EXT2: variants seen among roughly 807,000 people sequenced by gnomAD.
The protein encoded by EXT2 is exostosin glycosyltransferase 2, also known as exostosin-2.
EXT2 carries 53 observed loss-of-function variants against 81.6 expected under a neutral mutation model. The observed-to-expected ratio is 0.65, with a 90% confidence interval of 0.52 to 0.82. EXT2 has a LOEUF of 0.82. EXT2 is among the 40% of genes least tolerant of loss of function. The pLI is 0.00. For missense variants in EXT2, 774 were observed against 910.2 expected, an observed-to-expected ratio of 0.85 and a Z score of 1.93; for synonymous variants, 320 against 340.0, an observed-to-expected ratio of 0.94 and a Z score of 0.65.
chr11:44,144,463 G>T, intron 7 of EXT2: 1 of 808,030 alleles, frequency 1.2e-6, no homozygotes, highest in Non-Finnish European at 2.0e-6. Flanking sequence ...TCACCCCAAT[G>T]GCTCTTGGAG....
At chr11:44,146,254 C>T (rs1406725861) in intron 7 of EXT2, among the ~76,000 whole-genome samples, 2 of 152,172 alleles carry the variant, frequency 1.3e-5, no homozygotes, top group Non-Finnish European at 2.9e-5. Flanking sequence ...TTTGAAAAGG[C>T]CCTTTCTCTA....
At chr11:44,173,563 C>CTTTTTTTTTTTTTTTTTTTTTTTTTTTTT (rs66702988) in intron 8 of EXT2, among the ~76,000 whole-genome samples, 2 of 100,068 alleles carry the variant, frequency 2.0e-5, no homozygotes, top group African/African-American at 3.4e-5. Flanking sequence ...TTCTTTCTTT[C>CTTTTTTTTTTTTTTTTTTTTTTTTTTTTT]TTTTTTTTTT....
chr11:44,207,918 T>TA (rs1190859586), intron 10 of EXT2, among the ~76,000 whole-genome samples: 4 of 152,012 alleles, frequency 2.6e-5, no homozygotes, highest in South Asian at 2.1e-4. Flanking sequence ...CCTAGGTTTT[T>TA]AAAAAAAATG....
At chr11:44,150,986 A>C (rs1352995011) in intron 7 of EXT2, among the ~76,000 whole-genome samples, 1 of 152,222 alleles carries the variant, frequency 6.6e-6, no homozygotes, top group Non-Finnish European at 1.5e-5. Flanking sequence ...ATTGTTTTGA[A>C]AAATTGTCAG....
intron 4 of EXT2, among the ~76,000 whole-genome samples, chr11:44,123,732 T>C (rs907745885): frequency 6.6e-6 from 1 of 152,270 alleles, no homozygotes; most frequent in African/African-American, 2.4e-5. Flanking sequence ...GATTTTCAGA[T>C]TTGATATGCT....
At position 44,251,882 on chromosome 11, in the gene EXT2, T is replaced by G. The variant is rs1446109577; in HGVS notation, c.*7595T>G. Among the ~76,000 whole-genome samples, 2 of 152,218 alleles carry G rather than the reference T, an allele frequency of 1.3e-5. No homozygotes were observed. The highest frequency in any genetic ancestry group is 2.4e-5 in the African/African-American group (1 of 41,454). The stretch of plus-strand genomic sequence containing the variant: ...AACAATGTACCTACTTTCGTCAAGC[T>G]TACATTCTAATGAGGAAGATAACCA... On this transcript the variant is annotated 3_prime_UTR_variant, in exon 14 of 14. Coordinates refer to ENST00000533608, the MANE Select transcript of EXT2 (RefSeq NM_207122.2).
At chr11:44,146,085 TG>T (rs1009761793) in intron 7 of EXT2, among the ~76,000 whole-genome samples, 1 of 152,218 alleles carries the variant, frequency 6.6e-6, no homozygotes, top group African/African-American at 2.4e-5. Context: ...CTTCTCTGCT[TG>T]TCTCGCAGAT....
intron 8 of EXT2, among the ~76,000 whole-genome samples, chr11:44,179,756 T>G (rs920194710): frequency 1.3e-5 from 2 of 152,234 alleles, no homozygotes; most frequent in Admixed American, 1.3e-4. Context: ...CCCAATTGAT[T>G]AATATTTGAG....
At chr11:44,133,518 T>G (rs1400870519) in intron 7 of EXT2, among the ~76,000 whole-genome samples, 1 of 152,214 alleles carries the variant, frequency 6.6e-6, no homozygotes, top group Admixed American at 6.5e-5. Context: ...GGAGCTGCAT[T>G]GGACAGTTGT....
intron 8 of EXT2, among the ~76,000 whole-genome samples, chr11:44,191,130 T>C (rs1218158262): frequency 2.0e-5 from 3 of 152,246 alleles, no homozygotes; most frequent in Non-Finnish European, 4.4e-5. Context: ...AAAAGAACTT[T>C]TCTGCAGCTG....
chr11:44,144,394 C>T, intron 7 of EXT2: 1 of 1,440,310 alleles, frequency 6.9e-7, no homozygotes, highest in Non-Finnish European at 9.6e-7. Flanking sequence ...AGTCTCTTTG[C>T]TGAGAAGGCT....
intron 7 of EXT2, among the ~76,000 whole-genome samples, chr11:44,168,241 A>T (rs1955022786): frequency 6.6e-6 from 1 of 152,194 alleles, no homozygotes; most frequent in Non-Finnish European, 1.5e-5. Context: ...ACACCAAAGA[A>T]AAAGGGCTAG....
At chr11:44,205,895 A>G (rs930905050) in intron 9 of EXT2, among the ~76,000 whole-genome samples, 3 of 152,224 alleles carry the variant, frequency 2.0e-5, no homozygotes, top group East Asian at 1.9e-4. Context: ...ATCTATGGAC[A>G]TGGGTACTGT....
intron 9 of EXT2, among the ~76,000 whole-genome samples, chr11:44,199,362 C>T (rs1050557554): frequency 1.3e-5 from 2 of 152,190 alleles, no homozygotes; most frequent in African/African-American, 4.8e-5. Flanking sequence ...TGCCTTTCTC[C>T]AGAGTGAAGT....
At chr11:44,108,385 T>A in intron 2 of EXT2, 137 bp downstream of exon 2, 1 of 932,768 alleles carries the variant, frequency 1.1e-6, no homozygotes, top group Middle Eastern at 3.2e-4. Flanking sequence ...ACGGGGTGTG[T>A]TGGAGGGACT....
Position 44,236,278 on chromosome 11 carries a change from GTCC to G in EXT2, c.1936-9_1936-7del. Reference sequence around the variant, plus strand: ...GACACTGACAGCCAGGTATGTTTTTGTCCTCCTCTGGCAGGTAACCCCACGAAA... The same window carrying G: ...GACACTGACAGCCAGGTATGTTTTTGTCCTCTGGCAGGTAACCCCACGAAA... On this transcript the variant is annotated splice_polypyrimidine_tract_variant and intron_variant, in intron 12 of 13. Coordinates refer to ENST00000533608, the MANE Select transcript of EXT2 (RefSeq NM_207122.2). 6.2e-7 allele frequency: 1 copy of G among 1,612,786 alleles called. No homozygotes were observed.
intron 7 of EXT2, among the ~76,000 whole-genome samples, chr11:44,134,241 A>G (rs1001064424): frequency 2.0e-5 from 3 of 152,222 alleles, no homozygotes; most frequent in Admixed American, 2.0e-4. Context: ...CCTGTGAGCT[A>G]ATGATTAACT....
chr11:44,215,407 TTAA>T (rs1405776092), intron 10 of EXT2, among the ~76,000 whole-genome samples: 2 of 152,228 alleles, frequency 1.3e-5, no homozygotes, highest in Non-Finnish European at 2.9e-5. Flanking sequence ...GATTTTTAAG[TTAA>T]TAGTTTTTTT....
At chr11:44,097,680 A>G (rs1037714676) in intron 1 of EXT2, among the ~76,000 whole-genome samples, 4 of 152,004 alleles carry the variant, frequency 2.6e-5, no homozygotes, top group Admixed American at 6.6e-5. Flanking sequence ...AATCCCAGCT[A>G]CTTGGGAGGC....
Sources: gnomAD v4.1 joint callset for allele counts (sites outside exome capture counted in the v4.1 genomes callset) on GRCh38, gnomAD v4.1.1 for gene constraint, MANE v1.5 for transcripts, NCBI Gene and HGNC (gene_info 2026-07-23, HGNC 2026-07-21) for gene names.